CMTM6: variants seen among roughly 807,000 people sequenced by gnomAD.
The protein encoded by CMTM6 is CKLF like MARVEL transmembrane domain containing 6.
A neutral mutation model predicts 13.6 loss-of-function variants in CMTM6; 5 were observed. The observed-to-expected ratio is 0.37, with a 90% CI of 0.19 to 0.77. The LOEUF (loss-of-function observed/expected upper bound fraction) is 0.77. Among genes scored for constraint, CMTM6 ranks in the 30% least tolerant of loss-of-function variants. The pLI is 0.50. For missense variants in CMTM6, 196 were observed against 218.6 expected, an observed-to-expected ratio of 0.90 and a Z score of 0.65; for synonymous variants, 99 against 84.5, an observed-to-expected ratio of 1.17 and a Z score of -0.94.
At chr3:32,495,298 G>T (rs1697281162) in intron 1 of CMTM6, among the ~76,000 whole-genome samples, 1 of 152,146 alleles carries the variant, frequency 6.6e-6, no homozygotes, top group Admixed American at 6.5e-5. Flanking sequence ...TGTTAGGTAA[G>T]GCATTCCCAA....
intron 3 of CMTM6, among the ~76,000 whole-genome samples, chr3:32,487,504 C>T (rs144117857): frequency 1.3e-5 from 2 of 152,196 alleles, no homozygotes; most frequent in Non-Finnish European, 2.9e-5. Context: ...CTCAGAACAA[C>T]TGCTATTGGT....
chr3:32,491,563 G>T (rs1274103053), intron 2 of CMTM6, 147 bp downstream of exon 2: 3 of 573,706 alleles, frequency 5.2e-6, no homozygotes, highest in East Asian at 6.1e-5. Flanking sequence ...AGGAAAAAAT[G>T]AGGTGCTTAG....
rs1179954149 is a variant in CMTM6, at chr3:32,483,367, A to C, written c.*593T>G. 1.3e-5 allele frequency: 2 copies of C among 152,784 alleles called. No individual in the cohort carries two copies. The highest frequency in any genetic ancestry group is 3.9e-4 in the East Asian group (2 of 5,192). 9.5% of individuals were successfully genotyped at this position (152,784 alleles called of 1,614,324 possible). ...ATAGGCTATACGAAGGTCTCAAAGAATTAATAACCGTTATCCAAAAATATT... is the reference window on the plus strand; with the variant it reads ...ATAGGCTATACGAAGGTCTCAAAGACTTAATAACCGTTATCCAAAAATATT... On this transcript the variant is annotated 3_prime_UTR_variant, in exon 4 of 4. Transcript: ENST00000205636.
At chr3:32,491,028 T>C (rs191390523) in intron 2 of CMTM6, among the ~76,000 whole-genome samples, 2 of 152,358 alleles carry the variant, frequency 1.3e-5, no homozygotes, top group African/African-American at 4.8e-5. Context: ...TTAATATATA[T>C]TTCATAAAAC....
In CMTM6 at chr3:32,482,990, T is replaced by C. The variant is rs1171775599; in HGVS notation, c.*970A>G. On this transcript the variant is annotated 3_prime_UTR_variant, in exon 4 of 4. Transcript: ENST00000205636. The stretch of plus-strand genomic sequence containing the variant: ...GGCTGGTGTCCTAAAAAAAACAGAT[T>C]GGCTTCAAAGAAAACACTAAGGAAG... 6.6e-6 allele frequency: 1 copy of C among 152,592 alleles called. No homozygotes were observed. Among genetic ancestry groups the C allele is most frequent in the Admixed American group, 6.5e-5 (1 of 15,274 alleles). The allele number at this position is 152,592 out of a possible 1,614,324, so 9.5% of individuals were successfully genotyped here. A position where few individuals can be genotyped will look rare whatever the true frequency, so the allele number is the denominator to read the frequency against.
At chr3:32,487,300 A>C (rs1052222853) in intron 3 of CMTM6, among the ~76,000 whole-genome samples, 3 of 152,198 alleles carry the variant, frequency 2.0e-5, no homozygotes, top group Non-Finnish European at 4.4e-5. Context: ...TGAAACTTTA[A>C]GGATATGTAT....
At chr3:32,485,228 TAA>T (rs563553514) in intron 3 of CMTM6, among the ~76,000 whole-genome samples, 10 of 141,724 alleles carry the variant, frequency 7.1e-5, no homozygotes, top group Non-Finnish European at 9.3e-5. Context: ...ACTTCTGAAT[TAA>T]AAAAAAAAAA....
intron 3 of CMTM6, among the ~76,000 whole-genome samples, chr3:32,486,793 G>A (rs1295314292): frequency 6.6e-6 from 1 of 152,166 alleles, no homozygotes; most frequent in African/African-American, 2.4e-5. Context: ...GGATCATGGG[G>A]CAGACTCCCC....
chr3:32,500,638 TTC>T (rs1195458563), intron 1 of CMTM6, among the ~76,000 whole-genome samples: 2 of 152,242 alleles, frequency 1.3e-5, no homozygotes, highest in African/African-American at 2.4e-5. Flanking sequence ...CAAATTCATC[TTC>T]TCTGTGTCCA....
At chr3:32,490,141 G>A (rs1362141252) in intron 2 of CMTM6, among the ~76,000 whole-genome samples, 1 of 152,036 alleles carries the variant, frequency 6.6e-6, no homozygotes, top group Non-Finnish European at 1.5e-5. Flanking sequence ...AGCTATTCGG[G>A]AGGCTGAAGC....
rs1697160961 is a variant in CMTM6, at chr3:32,482,242, A to G, written c.*1718T>C. On this transcript the variant is annotated 3_prime_UTR_variant, in exon 4 of 4. Coordinates refer to ENST00000205636, the MANE Select transcript of CMTM6 (RefSeq NM_017801.3). ...CACTAGTATCCAAACTCTGATACAA[A>G]TCCTAAAGGTATTGAGTCAGTAAGA... 1 of 152,204 alleles carries G rather than the reference A, an allele frequency of 6.6e-6. No individual in the cohort carries two copies. The allele number at this position is 152,204 out of a possible 1,614,324, so 9.4% of individuals were successfully genotyped here.
intron 1 of CMTM6, 81 bp from the exon 2 acceptor site, chr3:32,491,967 GT>G: frequency 8.7e-7 from 1 of 1,146,962 alleles, no homozygotes; most frequent in East Asian, 2.6e-5. Context: ...TGAATAATAC[GT>G]TTACTCAAAT....
In CMTM6 at chr3:32,482,850, C is replaced by CA. The variant is rs1697167437; in HGVS notation, c.*1109dup. 1 of 149,420 alleles carries CA rather than the reference C, an allele frequency of 6.7e-6. No individual in the cohort carries two copies. The highest frequency in any genetic ancestry group is 1.5e-5 in the Non-Finnish European group (1 of 67,786). 9.3% of individuals were successfully genotyped at this position (149,420 alleles called of 1,614,324 possible). ...TTCAGGACCACCTAAAGACAACTGA[C>CA]AAAAAGTGTCAGAGCCAGAGGCCAA... On this transcript the variant is annotated 3_prime_UTR_variant, in exon 4 of 4. Coordinates refer to ENST00000205636, the MANE Select transcript of CMTM6 (RefSeq NM_017801.3).
chr3:32,491,400 G>C (rs1307232696), intron 2 of CMTM6, among the ~76,000 whole-genome samples: 1 of 152,218 alleles, frequency 6.6e-6, no homozygotes, highest in Non-Finnish European at 1.5e-5. Flanking sequence ...GAACCAATGA[G>C]TGACACTCAA....
chr3:32,502,019 T>C (rs1236996242), intron 1 of CMTM6, among the ~76,000 whole-genome samples: 7 of 152,252 alleles, frequency 4.6e-5, no homozygotes, highest in Non-Finnish European at 8.8e-5. Flanking sequence ...AGCTGTCCTT[T>C]TGACTTTCCA....
At chr3:32,499,362 G>A (rs1379448429) in intron 1 of CMTM6, among the ~76,000 whole-genome samples, 2 of 152,124 alleles carry the variant, frequency 1.3e-5, no homozygotes, top group African/African-American at 4.8e-5. Flanking sequence ...AATCACTGGC[G>A]ATTTCTAAAA....
At chr3:32,489,006 C>T (rs1440879019) in intron 2 of CMTM6, among the ~76,000 whole-genome samples, 2 of 152,186 alleles carry the variant, frequency 1.3e-5, no homozygotes, top group African/African-American at 4.8e-5. Context: ...CGGTGGCTCA[C>T]GCCTGTAATC....
At chr3:32,494,951 C>G (rs1697277114) in intron 1 of CMTM6, among the ~76,000 whole-genome samples, 1 of 151,400 alleles carries the variant, frequency 6.6e-6, no homozygotes, top group Non-Finnish European at 1.5e-5. Flanking sequence ...AAGCTATCCA[C>G]ATGGTAAAAT....
chr3:32,502,814 C>T lies in CMTM6; in HGVS notation c.-69G>A. ...TGACTTCTCGGACTCCAGAAGTCCC[C>T]GGTAGCCGGGAGGCGGCCGTCACTT... On this transcript the variant is annotated 5_prime_UTR_variant, in exon 1 of 4. Coordinates refer to ENST00000205636, the MANE Select transcript of CMTM6 (RefSeq NM_017801.3). 7.4e-7 allele frequency: 1 copy of T among 1,353,836 alleles called. No homozygotes were observed. The highest frequency in any genetic ancestry group is 9.5e-7 in the Non-Finnish European group (1 of 1,052,934). 83.9% of individuals were successfully genotyped at this position (1,353,836 alleles called of 1,614,324 possible).
Sources: allele counts gnomAD v4.1 joint callset (sites outside exome capture counted in the v4.1 genomes callset), GRCh38; gene constraint gnomAD v4.1.1; transcripts MANE v1.5; gene names NCBI Gene and HGNC (gene_info 2026-07-23, HGNC 2026-07-21).